Variants in CHN2 observed in about 807,000 individuals in gnomAD.
CHN2 encodes beta-chimaerin.
In CHN2, 35 loss-of-function variants were observed where a neutral mutation model predicts 56.3. The observed-to-expected ratio is 0.62, with a 90% confidence interval of 0.47 to 0.82. CHN2 has a LOEUF of 0.82. Ranked by LOEUF, CHN2 falls within the 40% of genes least tolerant of loss-of-function variation. CHN2 has a pLI of 0.00. For missense variants in CHN2, 491 were observed against 580.5 expected (o/e 0.85, Z 1.58); for synonymous variants, 210 against 212.8 (o/e 0.99, Z 0.12).
intron 1 of CHN2, among the ~76,000 whole-genome samples, chr7:29,238,995 G>A (rs1303472038): frequency 6.6e-6 from 1 of 152,142 alleles, no homozygotes; most frequent in African/African-American, 2.4e-5. Context: ...GTCACTCTGA[G>A]TGCATGGGAC....
intron 1 of CHN2, among the ~76,000 whole-genome samples, chr7:29,314,023 G>A (rs187932789): frequency 6.6e-6 from 1 of 152,204 alleles, no homozygotes; most frequent in East Asian, 1.9e-4. Context: ...ATTAGCATGG[G>A]ACCATATGAT....
At chr7:29,300,439 T>C (rs571101293) in intron 1 of CHN2, among the ~76,000 whole-genome samples, 3 of 152,152 alleles carry the variant, frequency 2.0e-5, no homozygotes, top group Non-Finnish European at 2.9e-5. Context: ...AGGAATGCCT[T>C]CCTGGGCCTT....
At chr7:29,360,136 C>T (rs1387515714) in intron 2 of CHN2, among the ~76,000 whole-genome samples, 2 of 152,196 alleles carry the variant, frequency 1.3e-5, no homozygotes, top group Non-Finnish European at 2.9e-5. Flanking sequence ...TACATACTTA[C>T]GCCTGAAACC....
rs996978126 is a variant in CHN2, at chr7:29,206,510, G to C, written c.49+11520G>C. Among the ~76,000 whole-genome samples the C allele has an allele frequency of 9.9e-5, 15 of 152,110 alleles. No individual in the cohort carries two copies. The East Asian group carries it at 2.9e-3, about 29-fold the overall frequency. On this transcript the variant is annotated intron_variant, in intron 1 of 12. Coordinates refer to ENST00000222792, the MANE Select transcript of CHN2 (RefSeq NM_004067.4). Reference sequence around the variant, plus strand: ...TTGGCCAGGCTGGTCTCAAACTCCTGACCTCGTGATCCACCTGCATCGGCC... The same window carrying C: ...TTGGCCAGGCTGGTCTCAAACTCCTCACCTCGTGATCCACCTGCATCGGCC...
Position 29,391,182 on chromosome 7 carries a change from A to T in CHN2, c.145-2497A>T, listed in dbSNP as rs192423228. On this transcript the variant is annotated intron_variant, in intron 3 of 12. Coordinates refer to ENST00000222792, the MANE Select transcript of CHN2 (RefSeq NM_004067.4). ...AAAATGGCCCTCAACCAGTAGAAGC[A>T]GTTATCAGATGGCCAACCACATCCT... Among the ~76,000 whole-genome samples, 35 of 152,254 alleles carry T rather than the reference A, an allele frequency of 2.3e-4. No homozygotes were observed. In the East Asian group the frequency reaches 6.8e-3, roughly 29 times the overall value.
At chr7:29,350,892 G>A (rs1797827092) in intron 1 of CHN2, among the ~76,000 whole-genome samples, 2 of 152,050 alleles carry the variant, frequency 1.3e-5, no homozygotes, top group African/African-American at 2.4e-5. Context: ...GGTGAATCAC[G>A]AGGTCAGGAG....
At chr7:29,323,697 TTAAATTA>T (rs1158177338) in intron 1 of CHN2, among the ~76,000 whole-genome samples, 1 of 151,576 alleles carries the variant, frequency 6.6e-6, no homozygotes, top group Non-Finnish European at 1.5e-5. Context: ...GGGGCAGAGA[TTAAATTA>T]TAGGGGGTTG....
At chr7:29,446,007 T>C (rs1784010738) in intron 6 of CHN2, among the ~76,000 whole-genome samples, 1 of 152,046 alleles carries the variant, frequency 6.6e-6, no homozygotes, top group Admixed American at 6.6e-5. Flanking sequence ...TTCTCAGCCT[T>C]GGAGGCACAT....
chr7:29,435,888 C>T (rs971524228), intron 6 of CHN2, among the ~76,000 whole-genome samples: 25 of 135,898 alleles, frequency 1.8e-4, no homozygotes, highest in African/African-American at 4.5e-4. Context: ...CTATCAGAAG[C>T]GCCTCCTTTT....
intron 1 of CHN2, among the ~76,000 whole-genome samples, chr7:29,352,439 G>T (rs1189785069): frequency 6.6e-6 from 1 of 151,900 alleles, no homozygotes; most frequent in African/African-American, 2.4e-5. Flanking sequence ...TAACATAGAG[G>T]GCCGGGGCAC....
chr7:29,356,291 G>A (rs1798311226), intron 2 of CHN2, among the ~76,000 whole-genome samples: 1 of 152,012 alleles, frequency 6.6e-6, no homozygotes, highest in African/African-American at 2.4e-5. Context: ...CACATATTAT[G>A]TATGGATATA....
At chr7:29,196,761 CG>C (rs1434426507) in intron 1 of CHN2, among the ~76,000 whole-genome samples, 1 of 152,148 alleles carries the variant, frequency 6.6e-6, no homozygotes, top group Non-Finnish European at 1.5e-5. Context: ...AGTCAGCCTT[CG>C]GAAGAATACG....
At chr7:29,326,351 T>G (rs1448019139) in intron 1 of CHN2, among the ~76,000 whole-genome samples, 1 of 152,186 alleles carries the variant, frequency 6.6e-6, no homozygotes, top group Non-Finnish European at 1.5e-5. Context: ...AGAGACGGGA[T>G]TTCACCATGT....
rs76373135 is a variant in CHN2 at position 29,146,837 on chromosome 7, T to A, written c.163-12T>A. 1.3e-4 allele frequency: 194 copies of A among 1,550,930 alleles called. No homozygotes were observed. In the East Asian group the frequency reaches 4.6e-3, roughly 37 times the overall value. ...TTCAACCCTGTATTTTGAAATTATT[T>A]CTGCACTCTAGGACTTACTTGCAAG... is the stretch of plus-strand genomic sequence containing the variant. On this transcript the variant is annotated splice_polypyrimidine_tract_variant and intron_variant, in intron 1 of 6. Transcript: ENST00000439384.
At chr7:29,341,922 A>C (rs1248435794) in intron 1 of CHN2, among the ~76,000 whole-genome samples, 19 of 152,208 alleles carry the variant, frequency 1.2e-4, no homozygotes, top group Non-Finnish European at 2.6e-4. Context: ...TGGGAAAGTG[A>C]CTATAATCTC....
In CHN2 at chr7:29,499,859, G is replaced by A; in HGVS notation, c.740-8G>A. On this transcript the variant is annotated splice_region_variant and splice_polypyrimidine_tract_variant and intron_variant, in intron 8 of 12. Transcript: ENST00000222792. ...TGGGCTAGGCTAATGTGGCTTCTTTGTTTACAGACTGTGGATTGAACGTAC... is the reference window on the plus strand; with the variant it reads ...TGGGCTAGGCTAATGTGGCTTCTTTATTTACAGACTGTGGATTGAACGTAC... 1 of 1,569,820 alleles carries A rather than the reference G, an allele frequency of 6.4e-7. No individual in the cohort carries two copies. Among genetic ancestry groups the A allele is most frequent in the South Asian group, 1.2e-5 (1 of 82,948 alleles).
At chr7:29,184,250 T>A (rs1480218729) in intron 2 of CHN2, among the ~76,000 whole-genome samples, 1 of 150,718 alleles carries the variant, frequency 6.6e-6, no homozygotes, top group Non-Finnish European at 1.5e-5. Context: ...ATATACAATC[T>A]ATATATAAGA....
chr7:29,308,618 G>T (rs151308033), intron 1 of CHN2, among the ~76,000 whole-genome samples: 1 of 152,172 alleles, frequency 6.6e-6, no homozygotes, highest in African/African-American at 2.4e-5. Context: ...CAAGGAATGC[G>T]TGGAGGATTG....
At chr7:29,500,757 C>A (rs574534250) in intron 9 of CHN2, among the ~76,000 whole-genome samples, 1 of 152,248 alleles carries the variant, frequency 6.6e-6, no homozygotes, top group East Asian at 1.9e-4. Context: ...CATCTCCTAC[C>A]ACATAAAAAT....
Sources: gnomAD v4.1 joint callset for allele counts (sites outside exome capture counted in the v4.1 genomes callset) on GRCh38, gnomAD v4.1.1 for gene constraint, MANE v1.5 for transcripts, NCBI Gene and HGNC (gene_info 2026-07-23, HGNC 2026-07-21) for gene names.